Variants in LINGO1 observed in about 807,000 individuals in gnomAD.
LINGO1 encodes the protein leucine-rich repeat and immunoglobulin-like domain-containing nogo receptor-interacting protein 1.
In LINGO1, 11 loss-of-function variants were observed where a neutral mutation model predicts 37.3. That is an observed-to-expected ratio of 0.29 (90% confidence interval 0.19 to 0.49). The LOEUF (loss-of-function observed/expected upper bound fraction) is 0.49, where lower values mean the gene tolerates loss of function less well. Among genes scored for constraint, LINGO1 ranks in the 20% least tolerant of loss-of-function variants. LINGO1 has a pLI of 0.99. For synonymous variants in LINGO1, 387 were observed against 403.0 expected, an observed-to-expected ratio of 0.96 and a Z score of 0.48; for missense variants, 585 against 878.2, an observed-to-expected ratio of 0.67 and a Z score of 4.22.
At chr15:77,797,261 A>C (rs1376484952) in intron 1 of LINGO1, among the ~76,000 whole-genome samples, 2 of 152,286 alleles carry the variant, frequency 1.3e-5, no homozygotes, top group East Asian at 1.9e-4. Context: ...CCAAGTCCCA[A>C]ATATCTTTCT....
At chr15:77,664,021 C>T (rs563060539) in intron 3 of LINGO1, among the ~76,000 whole-genome samples, 1 of 152,112 alleles carries the variant, frequency 6.6e-6, no homozygotes, top group African/African-American at 2.4e-5. Context: ...CTCGGCTGAG[C>T]GTGCAACACC....
intron 2 of LINGO1, among the ~76,000 whole-genome samples, chr15:77,677,983 C>G (rs111846266): frequency 3.9e-5 from 6 of 152,318 alleles, no homozygotes; most frequent in African/African-American, 1.4e-4. Flanking sequence ...ACCCTCACCT[C>G]CCCTCCAGAC....
At chr15:77,703,670 T>C (rs2075813326) in intron 2 of LINGO1, among the ~76,000 whole-genome samples, 1 of 152,136 alleles carries the variant, frequency 6.6e-6, no homozygotes, top group South Asian at 2.1e-4. Context: ...ATGCCTCCAA[T>C]GGGGCTGACA....
At chr15:77,680,262 G>A (rs1179066187) in intron 2 of LINGO1, among the ~76,000 whole-genome samples, 1 of 152,166 alleles carries the variant, frequency 6.6e-6, no homozygotes, top group African/African-American at 2.4e-5. Flanking sequence ...ACCGGGCATG[G>A]AATGTGAGTT....
chr15:77,704,494 C>T (rs2075824494), intron 2 of LINGO1, among the ~76,000 whole-genome samples: 1 of 151,546 alleles, frequency 6.6e-6, no homozygotes, highest in South Asian at 2.1e-4. Flanking sequence ...ACCCTGGTCA[C>T]AGACTGAGTC....
intron 1 of LINGO1, among the ~76,000 whole-genome samples, chr15:77,747,235 TC>T (rs1253476977): frequency 1.3e-5 from 2 of 152,096 alleles, no homozygotes; most frequent in African/African-American, 4.8e-5. Context: ...CCTCCTCCTC[TC>T]CCCTGGCAAC....
chr15:77,730,538 C>T (rs1450182825), intron 2 of LINGO1, among the ~76,000 whole-genome samples: 3 of 152,324 alleles, frequency 2.0e-5, no homozygotes, highest in East Asian at 1.9e-4. Flanking sequence ...CCGTCTGTGC[C>T]GGGCTGCCCC....
intron 1 of LINGO1, among the ~76,000 whole-genome samples, chr15:77,623,853 CTGTGTGTGTGTGTGTGTGTGTGT>C (rs2074001297): frequency 4.8e-5 from 7 of 146,146 alleles, no homozygotes; most frequent in African/African-American, 1.8e-4. Context: ...TGTGAGTGGC[CTGTGTGTGTGTGTGTGTGTGTGT>C]CTGTGTGTGA....
intron 1 of LINGO1, among the ~76,000 whole-genome samples, chr15:77,802,628 G>C (rs546597732): frequency 6.2e-4 from 95 of 152,204 alleles, no homozygotes; most frequent in Non-Finnish European, 1.2e-3. Flanking sequence ...TTGAACAATT[G>C]TTTGCACAGC....
At chr15:77,722,742 T>C (rs1436271271) in intron 2 of LINGO1, among the ~76,000 whole-genome samples, 1 of 152,222 alleles carries the variant, frequency 6.6e-6, no homozygotes, top group Non-Finnish European at 1.5e-5. Flanking sequence ...AACCTGGTGG[T>C]GGTGGAGAGT....
chr15:77,652,795 C>T (rs2074790518), intron 3 of LINGO1, among the ~76,000 whole-genome samples: 1 of 152,222 alleles, frequency 6.6e-6, no homozygotes, highest in Non-Finnish European at 1.5e-5. Flanking sequence ...TGGGCTTAAC[C>T]TACAGCCTGT....
At chr15:77,794,174 C>T (rs1173174520) in intron 2 of LINGO1, among the ~76,000 whole-genome samples, 6 of 152,128 alleles carry the variant, frequency 3.9e-5, no homozygotes, top group Admixed American at 6.5e-5. Context: ...ACAATCCTGA[C>T]GCCATCTTCT....
intron 3 of LINGO1, among the ~76,000 whole-genome samples, chr15:77,658,443 C>T (rs1255017329): frequency 1.3e-5 from 2 of 152,252 alleles, no homozygotes; most frequent in Non-Finnish European, 2.9e-5. Flanking sequence ...GCACCGTTCT[C>T]ACCGCACGTG....
In LINGO1 at chr15:77,614,110, G is replaced by A. The variant is rs769476260; in HGVS notation, c.1797C>T (p.Pro599=). The change falls in exon 2 of 2, where the codon CCC becomes CCT. Residue 599 remains proline, a synonymous_variant. Transcript: ENST00000355300. The part of the protein sequence containing the change: ...TKHNIEIEYV[P]RKSDAGISSA... The stretch of plus-strand genomic sequence containing the variant: ...AGCTGATGCCTGCGTCCGACTTTCG[G>A]GGCACATACTCGATCTCGATGTTGT... 7 of 1,613,790 alleles carry A rather than the reference G, an allele frequency of 4.3e-6. No individual in the cohort carries two copies. The highest frequency in any genetic ancestry group is 2.7e-5 in the African/African-American group (2 of 74,906).
intron 1 of LINGO1, among the ~76,000 whole-genome samples, chr15:77,618,997 A>G (rs990676130): frequency 6.6e-6 from 1 of 152,232 alleles, no homozygotes; most frequent in Non-Finnish European, 1.5e-5. Context: ...CAAGATGATA[A>G]GAAGATAAAA....
intron 3 of LINGO1, among the ~76,000 whole-genome samples, chr15:77,645,793 G>A (rs2141122639): frequency 6.6e-6 from 1 of 152,372 alleles, no homozygotes; most frequent in Middle Eastern, 3.4e-3. Context: ...AGTGTAAACA[G>A]GAGCAAAGCT....
chr15:77,802,270 T>TC (rs1172132440), intron 1 of LINGO1, among the ~76,000 whole-genome samples: 1 of 151,060 alleles, frequency 6.6e-6, no homozygotes, highest in African/African-American at 2.5e-5. Context: ...TAATCTAGAA[T>TC]CAGTGTGTGT....
chr15:77,725,683 C>T (rs538391719), intron 2 of LINGO1, among the ~76,000 whole-genome samples: 1 of 152,304 alleles, frequency 6.6e-6, no homozygotes, highest in East Asian at 1.9e-4. Flanking sequence ...AAAAGGCCTG[C>T]CTGGATCACA....
intron 3 of LINGO1, among the ~76,000 whole-genome samples, chr15:77,659,846 C>CTGCGG (rs2074949273): frequency 6.4e-5 from 2 of 31,478 alleles, no homozygotes; most frequent in Admixed American, 1.2e-3. Context: ...GCGGGAGAGG[C>CTGCGG]TGGGGTGGGG....
Sources: allele counts gnomAD v4.1 joint callset (sites outside exome capture counted in the v4.1 genomes callset), GRCh38; gene constraint gnomAD v4.1.1; transcripts MANE v1.5; gene names NCBI Gene and HGNC (gene_info 2026-07-23, HGNC 2026-07-21).